The following ITSN1 variants were observed in gnomAD, a reference collection of about 807,000 sequenced individuals.
ITSN1 encodes the protein intersectin-1.
ITSN1 carries 58 observed loss-of-function variants against 239.8 expected under a neutral mutation model. The observed-to-expected ratio is 0.24, with a 90% CI of 0.20 to 0.30. The LOEUF is 0.30. Ranked by LOEUF, ITSN1 falls within the 10% of genes least tolerant of loss-of-function variation. The pLI is 1.00. For missense variants in ITSN1, 1,558 were observed against 2,103.3 expected, an observed-to-expected ratio of 0.74 and a Z score of 5.07; for synonymous variants, 780 against 770.8, an observed-to-expected ratio of 1.01 and a Z score of -0.20.
At chr21:33,746,224 C>T (rs2067173298) in intron 5 of ITSN1, among the ~76,000 whole-genome samples, 1 of 152,132 alleles carries the variant, frequency 6.6e-6, no homozygotes, top group African/African-American at 2.4e-5. Context: ...AAACAACAAC[C>T]TTCAGGGGGA....
intron 20 of ITSN1, among the ~76,000 whole-genome samples, chr21:33,808,894 C>T (rs1456558242): frequency 6.6e-6 from 1 of 152,150 alleles, no homozygotes; most frequent in Non-Finnish European, 1.5e-5. Flanking sequence ...CACCTTTGGT[C>T]CTAGAACCAA....
chr21:33,811,166 A>G lies in ITSN1; in HGVS notation c.2511A>G (p.Ala837=). The change falls in exon 21 of 40, where the codon GCA becomes GCG. Residue 837 remains alanine, a synonymous_variant. Transcript: ENST00000381318. ...LALRETPAPL[A]VTSSEPSTTP... is the part of the protein sequence containing the mutation. The stretch of plus-strand genomic sequence containing the variant: ...TGCGTGAGACCCCCGCCCCTTTGGC[A>G]GTAACCTCTTCAGAGCCCTCCACGA... 4.4e-6 allele frequency: 7 copies of G among 1,586,196 alleles called. No individual in the cohort carries two copies. The highest frequency in any genetic ancestry group is 6.0e-6 in the Non-Finnish European group (7 of 1,172,230).
chr21:33,663,523 A>T (rs1234262312), intron 1 of ITSN1, among the ~76,000 whole-genome samples: 1 of 152,218 alleles, frequency 6.6e-6, no homozygotes, highest in Non-Finnish European at 1.5e-5. Context: ...GTTGGAAGAG[A>T]TCTGAATCAG....
At chr21:33,647,007 G>A (rs1372695858) in intron 1 of ITSN1, among the ~76,000 whole-genome samples, 1 of 151,294 alleles carries the variant, frequency 6.6e-6, no homozygotes, top group Non-Finnish European at 1.5e-5. Flanking sequence ...AAAAAAAAAA[G>A]TTTATTGCTA....
intron 1 of ITSN1, among the ~76,000 whole-genome samples, chr21:33,717,055 T>G (rs1214848557): frequency 6.6e-6 from 1 of 152,132 alleles, no homozygotes; most frequent in African/African-American, 2.4e-5. Context: ...TTTTGGAAAT[T>G]TAAAAATGTG....
chr21:33,832,227 T>C (rs1313805320), intron 27 of ITSN1, among the ~76,000 whole-genome samples: 1 of 152,144 alleles, frequency 6.6e-6, no homozygotes, highest in Non-Finnish European at 1.5e-5. Context: ...CTCTCCACTT[T>C]CGCAAGAGCT....
chr21:33,650,309 C>G (rs1330533999), intron 1 of ITSN1, among the ~76,000 whole-genome samples: 2 of 152,112 alleles, frequency 1.3e-5, no homozygotes, highest in East Asian at 3.9e-4. Context: ...CTTTAACCAA[C>G]CTAGTTAAGA....
intron 33 of ITSN1, among the ~76,000 whole-genome samples, chr21:33,867,770 T>C (rs1981883121): frequency 6.6e-6 from 1 of 152,136 alleles, no homozygotes; most frequent in South Asian, 2.1e-4. Flanking sequence ...CGTCTGGAGT[T>C]TGTTCCTTCT....
intron 33 of ITSN1, among the ~76,000 whole-genome samples, chr21:33,869,355 A>C (rs1041570587): frequency 1.3e-5 from 2 of 152,208 alleles, no homozygotes; most frequent in Admixed American, 1.3e-4. Flanking sequence ...ACCCCTTACA[A>C]AACCATCAGA....
chr21:33,811,035 G>C lies in ITSN1; in HGVS notation c.2380G>C (p.Gly794Arg), dbSNP rs2072872359. Residue 794 changes from glycine (G) to arginine (R), a missense_variant, in exon 21 of 40, where the codon GGG (glycine) becomes CGG (arginine). By Grantham distance (125) the Gly-to-Arg change is moderately radical. Transcript: ENST00000381318. ...TGGAGGAGAATTAAAAGGAAAGACAGGGTGGTTCCCTGCAAACTATGCAGA... is the reference window on the plus strand; with the variant it reads ...TGGAGGAGAATTAAAAGGAAAGACACGGTGGTTCCCTGCAAACTATGCAGA... Reference protein sequence around the residue: ...WLGGELKGKTGWFPANYAEKI... With the variant: ...WLGGELKGKTRWFPANYAEKI... 1 of 1,614,202 alleles carries C rather than the reference G, an allele frequency of 6.2e-7. No homozygotes were observed. The highest frequency in any genetic ancestry group is 8.5e-7 in the Non-Finnish European group (1 of 1,180,024).
At chr21:33,764,586 T>C (rs2068589575) in intron 9 of ITSN1, among the ~76,000 whole-genome samples, 2 of 152,198 alleles carry the variant, frequency 1.3e-5, no homozygotes, top group Non-Finnish European at 2.9e-5. Flanking sequence ...CTATTCTGTA[T>C]GTTGTGGTTC....
intron 20 of ITSN1, among the ~76,000 whole-genome samples, chr21:33,806,894 T>C (rs1017357008): frequency 1.3e-5 from 2 of 152,242 alleles, no homozygotes; most frequent in African/African-American, 2.4e-5. Context: ...CATAATCTTA[T>C]GTTTTCCAAA....
At chr21:33,792,033 T>C (rs1222640682) in intron 16 of ITSN1, among the ~76,000 whole-genome samples, 1 of 152,170 alleles carries the variant, frequency 6.6e-6, no homozygotes, top group Non-Finnish European at 1.5e-5. Context: ...GATACTGAAA[T>C]AAATAAATAC....
At chr21:33,711,651 GTTGTGT>G (rs1160760699) in intron 1 of ITSN1, among the ~76,000 whole-genome samples, 184 of 107,676 alleles carry the variant, frequency 1.7e-3, no homozygotes, top group Middle Eastern at 9.0e-3. Context: ...TTTTCTGTGT[GTTGTGT>G]GTGTGTGTGT....
At chr21:33,849,565 C>CAAA (rs55906219) in intron 29 of ITSN1, among the ~76,000 whole-genome samples, 15 of 85,714 alleles carry the variant, frequency 1.8e-4, no homozygotes, top group East Asian at 8.9e-4. Flanking sequence ...GACTCTGTCT[C>CAAA]AAAAAAAAAA....
chr21:33,775,214 A>G (rs147969983), intron 14 of ITSN1, 106 bp downstream of exon 14: 4 of 1,249,258 alleles, frequency 3.2e-6, no homozygotes, highest in East Asian at 5.0e-5. Flanking sequence ...ACTGTCTTGT[A>G]CTAGGCACTG....
At chr21:33,873,042 A>C (rs1253544878) in intron 33 of ITSN1, among the ~76,000 whole-genome samples, 1 of 152,188 alleles carries the variant, frequency 6.6e-6, no homozygotes, top group Non-Finnish European at 1.5e-5. Flanking sequence ...AACCTCTAGA[A>C]AACCCCTAAG....
chr21:33,649,937 A>G (rs1238946315), intron 1 of ITSN1, among the ~76,000 whole-genome samples: 4 of 151,426 alleles, frequency 2.6e-5, no homozygotes, highest in Non-Finnish European at 4.4e-5. Context: ...AATTGCTTCA[A>G]TTCCCTGCTT....
At position 33,797,423 on chromosome 21, in the gene ITSN1, A is replaced by C. The variant is rs1460959741; in HGVS notation, c.1997A>C (p.Gln666Pro). ...AAGCAGTGGCTGGAGCATGTGCAGC[A>C]GGAGGACGAGCATCAGAGACCAAGA... ...RDKQWLEHVQ[Q>P]EDEHQRPRKL... Residue 666 changes from glutamine to proline, a missense_variant, in exon 18 of 40, where the codon CAG (glutamine) becomes CCG (proline). Gln to Pro is a moderately conservative substitution (Grantham distance 76). Coordinates refer to ENST00000381318, the MANE Select transcript of ITSN1 (RefSeq NM_003024.3). The surrounding 1 kb of genome is among the most constrained non-coding windows in gnomAD (Gnocchi z 4.9). 1 of 1,614,094 alleles carries C rather than the reference A, an allele frequency of 6.2e-7. No homozygotes were observed. Among genetic ancestry groups the C allele is most frequent in the Admixed American group, 1.7e-5 (1 of 60,020 alleles).
Sources: gnomAD v4.1 joint callset for allele counts (sites outside exome capture counted in the v4.1 genomes callset) on GRCh38, gnomAD v4.1.1 for gene constraint, Gnocchi (gnomAD v3.1) non-coding constraint, MANE v1.5 for transcripts, NCBI Gene and HGNC (gene_info 2026-07-23, HGNC 2026-07-21) for gene names.